The following SUMF2 variants were observed in gnomAD, a reference collection of about 807,000 sequenced individuals.
SUMF2 encodes inactive C-alpha-formylglycine-generating enzyme 2.
A neutral mutation model predicts 44.8 loss-of-function variants in SUMF2; 45 were observed. That is an observed-to-expected ratio of 1.00 (90% CI 0.79 to 1.29). The LOEUF is 1.29. Among genes scored for constraint, SUMF2 ranks in the 50% most tolerant of loss-of-function variants. The probability of loss-of-function intolerance (pLI) is 0.00; values close to 1 mark genes in which losing one functional copy is unlikely to be tolerated. For synonymous variants in SUMF2, 148 were observed against 150.4 expected, an observed-to-expected ratio of 0.98 and a Z score of 0.12; for missense variants, 418 against 389.9, an observed-to-expected ratio of 1.07 and a Z score of -0.61.
In SUMF2 at chr7:56,080,113, T is replaced by C; in HGVS notation, c.*501T>C. On this transcript the variant is annotated 3_prime_UTR_variant, in exon 9 of 9. Transcript: ENST00000434526. ...CTGAAGGAAACTAGTTTCCACTGTG[T>C]AACAGGCAGACATGTAACTATTTAA... 1 of 524,914 alleles carries C rather than the reference T, an allele frequency of 1.9e-6. No homozygotes were observed. Among genetic ancestry groups the C allele is most frequent in the Non-Finnish European group, 3.4e-6 (1 of 295,062 alleles). 32.5% of individuals were successfully genotyped at this position (524,914 alleles called of 1,614,324 possible).
chr7:56,082,308 C>T (rs1796043094), downstream of SUMF2: 5 of 1,405,386 alleles, frequency 3.6e-6, no homozygotes, highest in Middle Eastern at 1.8e-4. Flanking sequence ...AAGAGGAAGT[C>T]CAGGCTGGCC....
In SUMF2 at chr7:56,078,444, CG is replaced by C; in HGVS notation, c.763del (p.Ala255HisfsTer134). On this transcript the variant is annotated frameshift_variant, in exon 8 of 9. Coordinates refer to ENST00000434526, the MANE Select transcript of SUMF2 (RefSeq NM_015411.4). LOFTEE classifies it high-confidence loss of function. ...TGCTGAGCAGGACATGCGCGTCCTCCGGGGGGCATCCTGGATCGACACAGCT... is the reference window on the plus strand; with the variant it reads ...TGCTGAGCAGGACATGCGCGTCCTCCGGGGGCATCCTGGATCGACACAGCT... ...QAAEQDMRVLRGASWIDTADG... is the reference protein window; with the variant it reads ...QAAEQDMRVLXGASWIDTADG... The C allele has an allele frequency of 1.2e-6, 2 of 1,608,420 alleles. No individual in the cohort carries two copies. Among genetic ancestry groups the C allele is most frequent in the East Asian group, 2.2e-5 (1 of 44,736 alleles).
intron 1 of SUMF2, among the ~76,000 whole-genome samples, chr7:56,066,442 T>TA (rs1429605964): frequency 5.9e-5 from 9 of 152,170 alleles, no homozygotes; most frequent in Non-Finnish European, 4.4e-5. Flanking sequence ...CCTTTTTTAT[T>TA]TTTTATTTAT....
chr7:56,067,562 A>G (rs1794883647), intron 1 of SUMF2, among the ~76,000 whole-genome samples: 1 of 152,082 alleles, frequency 6.6e-6, no homozygotes, highest in Admixed American at 6.6e-5. Context: ...TTAATAAGCT[A>G]TGGTCGTCCA....
downstream of SUMF2, chr7:56,081,843 G>T (rs572958289): frequency 2.4e-5 from 38 of 1,609,178 alleles, no homozygotes; most frequent in Non-Finnish European, 3.1e-5. This position sits in a 1 kb window ranked among gnomAD's most constrained non-coding sequence, Gnocchi z 4.6. Context: ...GGGCAGGGGC[G>T]CCTGGCATCG....
chr7:56,086,826 G>T, the SUMF2 span: 1 of 695,490 alleles, frequency 1.4e-6, no homozygotes, highest in South Asian at 1.7e-5. Context: ...TGACCCCAGG[G>T]GCTGATCTGT....
At chr7:56,078,727 C>G (rs1444724694) in intron 8 of SUMF2, among the ~76,000 whole-genome samples, 1 of 152,152 alleles carries the variant, frequency 6.6e-6, no homozygotes, top group African/African-American at 2.4e-5. Flanking sequence ...TTGTGACTCT[C>G]CTGCCAGCTC....
chr7:56,082,281 G>A (rs1796042155), downstream of SUMF2: 1 of 1,565,044 alleles, frequency 6.4e-7, no homozygotes, highest in Non-Finnish European at 8.8e-7. Flanking sequence ...ATCAGGGCAG[G>A]TCAGCAGGGC....
At chr7:56,081,562 T>C, downstream of SUMF2, 1 of 1,576,276 alleles carries the variant, frequency 6.3e-7, no homozygotes. This position sits in a 1 kb window ranked among gnomAD's most constrained non-coding sequence, Gnocchi z 4.6. Context: ...TAAGGACTCC[T>C]GGGAGAGGAG....
At chr7:56,086,863 C>A in the SUMF2 span, 3 of 861,878 alleles carry the variant, frequency 3.5e-6, no homozygotes, top group Non-Finnish European at 6.0e-6. Flanking sequence ...TATTTGGCAT[C>A]CTCAGCGCAG....
intron 2 of SUMF2, among the ~76,000 whole-genome samples, chr7:56,071,974 G>T (rs1186112543): frequency 6.6e-6 from 1 of 150,820 alleles, no homozygotes; most frequent in Non-Finnish European, 1.5e-5. Context: ...TGGGCATGGT[G>T]GTGTGCACCT....
At chr7:56,065,056 A>G (rs1369179026) in intron 1 of SUMF2, among the ~76,000 whole-genome samples, 2 of 150,294 alleles carry the variant, frequency 1.3e-5, no homozygotes, top group Admixed American at 6.6e-5. Context: ...GCCGGGCGTG[A>G]TGGCGGGCGC....
intron 1 of SUMF2, among the ~76,000 whole-genome samples, chr7:56,067,091 T>TA (rs1794857010): frequency 6.6e-6 from 1 of 152,136 alleles, no homozygotes; most frequent in Admixed American, 6.6e-5. Context: ...TAAGAACTGA[T>TA]AAGAGTTCAG....
chr7:56,087,194 TTTATTATTATTA>T, the SUMF2 span, among the ~76,000 whole-genome samples: 703 of 136,072 alleles, frequency 5.2e-3, 9 homozygotes, highest in South Asian at 0.042. Flanking sequence ...GCCCAGGGAC[TTTATTATTATTA>T]TTATTATTAT....
At chr7:56,072,960 C>G (rs771782341) in intron 2 of SUMF2, 37 bp from the exon 3 acceptor site, 1 of 1,535,398 alleles carries the variant, frequency 6.5e-7, no homozygotes, top group East Asian at 2.2e-5. Context: ...GGGCACAGAA[C>G]CTCACCAGCT....
downstream of SUMF2, chr7:56,084,162 G>A (rs1414047950): frequency 2.7e-5 from 41 of 1,530,248 alleles, no homozygotes; most frequent in Middle Eastern, 1.7e-4. Flanking sequence ...GCCCTGCCCT[G>A]GGCCCTGAAG....
intron 2 of SUMF2, among the ~76,000 whole-genome samples, chr7:56,072,324 A>G (rs545024126): frequency 2.2e-5 from 3 of 135,796 alleles, no homozygotes; most frequent in Non-Finnish European, 3.2e-5. Flanking sequence ...TACTTAAGAG[A>G]CTGAGGCTAG....
In SUMF2 at chr7:56,080,363, A is replaced by C. The variant is rs1314451594; in HGVS notation, c.*751A>C. The C allele has an allele frequency of 1.3e-5, 2 of 149,812 alleles. No homozygotes were observed. The highest frequency in any genetic ancestry group is 5.1e-5 in the African/African-American group (2 of 38,850). The allele number at this position is 149,812 out of a possible 1,614,324, so 9.3% of individuals were successfully genotyped here. A position where few individuals can be genotyped will look rare whatever the true frequency, so the allele number is the denominator to read the frequency against. ...ACTCTAGCCTTGAATTCCTGGGCCCAAGCAATTCTCCCACCTCAGCCTCCT... is the reference window on the plus strand; with the variant it reads ...ACTCTAGCCTTGAATTCCTGGGCCCCAGCAATTCTCCCACCTCAGCCTCCT... On this transcript the variant is annotated 3_prime_UTR_variant, in exon 9 of 9. Coordinates refer to ENST00000434526, the MANE Select transcript of SUMF2 (RefSeq NM_015411.4).
chr7:56,085,487 A>G (rs1227026611), downstream of SUMF2, among the ~76,000 whole-genome samples: 3 of 152,138 alleles, frequency 2.0e-5, no homozygotes, highest in African/African-American at 7.2e-5. Context: ...TACTAATCCT[A>G]TTGATGCCAA....
Sources: gnomAD v4.1 joint callset for allele counts (sites outside exome capture counted in the v4.1 genomes callset) on GRCh38, gnomAD v4.1.1 for gene constraint, Gnocchi (gnomAD v3.1) non-coding constraint, MANE v1.5 for transcripts, NCBI Gene and HGNC (gene_info 2026-07-23, HGNC 2026-07-21) for gene names.